Variants in ACTN4 observed in about 807,000 individuals in gnomAD.
ACTN4 encodes the protein alpha-actinin-4.
A neutral mutation model predicts 114.2 loss-of-function variants in ACTN4; 18 were observed. The ratio of observed to expected loss-of-function variants is 0.16; its 90% CI spans 0.11 to 0.23. ACTN4 has a LOEUF of 0.23. ACTN4 is among the 10% of genes least tolerant of loss of function. ACTN4 has a pLI of 1.00. For synonymous variants in ACTN4, 515 were observed against 506.3 expected, an observed-to-expected ratio of 1.02 and a Z score of -0.23; for missense variants, 722 against 1,262.9, an observed-to-expected ratio of 0.57 and a Z score of 6.49.
At position 38,729,800 on chromosome 19, in the gene ACTN4, G is replaced by A. The variant is rs1217037275; in HGVS notation, c.*368G>A. ...TCCTTTGCTCTGAGGTCCCTTCAAG[G>A]CCTCCCCAATCCAGGCCAAAGCCCC... On this transcript the variant is annotated 3_prime_UTR_variant, in exon 21 of 21. Coordinates refer to ENST00000252699, the MANE Select transcript of ACTN4 (RefSeq NM_004924.6). The A allele has an allele frequency of 2.2e-6, 1 of 444,874 alleles. No individual in the cohort carries two copies. Among genetic ancestry groups the A allele is most frequent in the African/African-American group, 2.0e-5 (1 of 50,032 alleles). The allele number at this position is 444,874 out of a possible 1,614,324, so 27.6% of individuals were successfully genotyped here. A position where few individuals can be genotyped will look rare whatever the true frequency, so the allele number is the denominator to read the frequency against.
intron 19 of ACTN4, 148 bp downstream of exon 19, chr19:38,728,174 C>A (rs1419617169): frequency 1.5e-6 from 2 of 1,296,482 alleles, no homozygotes; most frequent in Non-Finnish European, 2.2e-6. Flanking sequence ...CTCCCTGGAC[C>A]CCTTCCCTTT....
rs181829114 is a variant in ACTN4 at position 38,666,988 on chromosome 19, A to G, written c.162+19081A>G. On this transcript the variant is annotated intron_variant, in intron 1 of 20. Transcript: ENST00000252699. ...GTCTAGGGATGTGCCAGGTCTTTCA[A>G]ATTGCTAATTATCAGCGAGCATGAG... 3.8e-3 allele frequency among the ~76,000 whole-genome samples: 577 copies of G among 152,294 alleles called. 1 individual carries two copies. The highest frequency in any genetic ancestry group is 0.014 in the South Asian group (70 of 4,828).
In ACTN4 at chr19:38,727,268, G is replaced by T. The variant is rs982386344; in HGVS notation, c.2337+165G>T. Among the ~76,000 whole-genome samples, 1 of 152,116 alleles carries T rather than the reference G, an allele frequency of 6.6e-6. No individual in the cohort carries two copies. The highest frequency in any genetic ancestry group is 1.5e-5 in the Non-Finnish European group (1 of 67,988). On this transcript the variant is annotated intron_variant, in intron 18 of 20. Coordinates refer to ENST00000252699, the MANE Select transcript of ACTN4 (RefSeq NM_004924.6). The surrounding 1 kb of genome is among the most constrained non-coding windows in gnomAD (Gnocchi z 5.4). ...GCCACTGTCAGGGTGTAGGTGTGCG[G>T]CACCAAGACCCCAGCCTGGGCCACT...
At chr19:38,652,087 C>T (rs534443161) in intron 1 of ACTN4, among the ~76,000 whole-genome samples, 1 of 152,038 alleles carries the variant, frequency 6.6e-6, no homozygotes, top group African/African-American at 2.4e-5. Flanking sequence ...TAATGGAGGC[C>T]CCAAAGTAGC....
Position 38,656,902 on chromosome 19 carries a change from C to G in ACTN4, c.162+8995C>G, listed in dbSNP as rs571542943. Among the ~76,000 whole-genome samples, 201 of 152,228 alleles carry G rather than the reference C, an allele frequency of 1.3e-3. 2 individuals are homozygous for G. Among genetic ancestry groups the G allele is most frequent in the African/African-American group, 4.7e-3 (194 of 41,532 alleles). ...GGTGGAAGCCACAGTCTAGGTGGAT[C>G]AGAGGAAGCACAGAAGGCAGGCAGT... On this transcript the variant is annotated intron_variant, in intron 1 of 20. Coordinates refer to ENST00000252699, the MANE Select transcript of ACTN4 (RefSeq NM_004924.6).
intron 4 of ACTN4, among the ~76,000 whole-genome samples, chr19:38,705,669 C>T (rs763595449): frequency 1.3e-5 from 2 of 152,212 alleles, no homozygotes; most frequent in Non-Finnish European, 2.9e-5. Context: ...CAAAAGAGGC[C>T]AAGGCCGGTA....
rs1304487238 is a variant in ACTN4, at chr19:38,729,439, A to G, written c.*7A>G. 6.2e-7 allele frequency: 1 copy of G among 1,612,362 alleles called. No individual in the cohort carries two copies. The highest frequency in any genetic ancestry group is 8.5e-7 in the Non-Finnish European group (1 of 1,179,810). On this transcript the variant is annotated 3_prime_UTR_variant, in exon 21 of 21. Transcript: ENST00000252699. ...TGGCGAGAGCGACCTGTGAGGCCCC[A>G]GAGACCTGACCCAACACCCCCGACG...
intron 1 of ACTN4, among the ~76,000 whole-genome samples, chr19:38,690,439 G>A (rs886798147): frequency 6.6e-5 from 10 of 152,248 alleles, no homozygotes; most frequent in Non-Finnish European, 1.2e-4. Context: ...TCCTAATCGA[G>A]CTAAACACTA....
At chr19:38,701,906 G>T (rs1312004685) in intron 3 of ACTN4, among the ~76,000 whole-genome samples, 2 of 152,256 alleles carry the variant, frequency 1.3e-5, no homozygotes, top group Non-Finnish European at 2.9e-5. Flanking sequence ...TAATGACAGG[G>T]CTCTGAGAGT....
chr19:38,650,461 G>A (rs940604069), intron 1 of ACTN4, among the ~76,000 whole-genome samples: 1 of 152,172 alleles, frequency 6.6e-6, no homozygotes, highest in African/African-American at 2.4e-5. Flanking sequence ...GCAGGTTTGA[G>A]GGAAAAGGGT....
In ACTN4 at chr19:38,724,891, G is replaced by A. The variant is rs955795459; in HGVS notation, c.2010+326G>A. The stretch of plus-strand genomic sequence containing the variant: ...TGATGGTGCGCAGCCCAAGGAGGTC[G>A]AGGCTGCCGTGAGCTACGATCATGC... On this transcript the variant is annotated intron_variant, in intron 16 of 20. Coordinates refer to ENST00000252699, the MANE Select transcript of ACTN4 (RefSeq NM_004924.6). This position sits in a 1 kb window ranked among gnomAD's most constrained non-coding sequence, Gnocchi z 7.0. 1.3e-5 allele frequency among the ~76,000 whole-genome samples: 2 copies of A among 152,164 alleles called. No individual in the cohort carries two copies. The highest frequency in any genetic ancestry group is 6.5e-5 in the Admixed American group (1 of 15,278).
chr19:38,704,380 T>C (rs571778537), intron 3 of ACTN4, among the ~76,000 whole-genome samples: 5 of 152,228 alleles, frequency 3.3e-5, no homozygotes, highest in Non-Finnish European at 7.3e-5. Flanking sequence ...GCAGCCGCAT[T>C]GAGCTCTGGA....
chr19:38,657,194 G>A (rs924091747), intron 1 of ACTN4, among the ~76,000 whole-genome samples: 1 of 151,754 alleles, frequency 6.6e-6, no homozygotes, highest in African/African-American at 2.4e-5. Flanking sequence ...CCAGGCTGGA[G>A]TGCAGTAGCA....
At chr19:38,666,441 C>T (rs1001712123) in intron 1 of ACTN4, among the ~76,000 whole-genome samples, 13 of 152,140 alleles carry the variant, frequency 8.5e-5, no homozygotes, top group African/African-American at 1.7e-4. Context: ...GAAGGCCACC[C>T]GGTTTGCGCT....
At chr19:38,725,625 C>G in intron 16 of ACTN4, 99 bp from the exon 17 acceptor site, 3 of 1,430,580 alleles carry the variant, frequency 2.1e-6, no homozygotes, top group Non-Finnish European at 2.9e-6. Flanking sequence ...AAAGGGGCCC[C>G]GGGGAAGATG....
chr19:38,689,558 C>T (rs188412333), intron 1 of ACTN4, among the ~76,000 whole-genome samples: 25 of 152,268 alleles, frequency 1.6e-4, no homozygotes, highest in South Asian at 4.1e-4. Flanking sequence ...AGTGCAGTGG[C>T]GCTGTCATAG....
intron 1 of ACTN4, among the ~76,000 whole-genome samples, chr19:38,652,684 TG>T (rs1366343966): frequency 1.3e-5 from 2 of 151,934 alleles, no homozygotes; most frequent in South Asian, 2.1e-4. Flanking sequence ...GGCTGCCTTG[TG>T]GGGGGGAAAG....
Position 38,729,893 on chromosome 19 carries a change from G to A in ACTN4, c.*461G>A, listed in dbSNP as rs1278958667. The A allele has an allele frequency of 5.1e-5, 18 of 355,958 alleles. No homozygotes were observed. The East Asian group carries it at 5.2e-4, about 10-fold the overall frequency. The allele number at this position is 355,958 out of a possible 1,614,324, so 22.0% of individuals were successfully genotyped here. A position where few individuals can be genotyped will look rare whatever the true frequency, so the allele number is the denominator to read the frequency against. Reference sequence around the variant, plus strand: ...GCAGAGGGCGCCACCACCACCTGACGGCTGGGGACCCACCCAGCCCCTCTC... The same window carrying A: ...GCAGAGGGCGCCACCACCACCTGACAGCTGGGGACCCACCCAGCCCCTCTC... On this transcript the variant is annotated 3_prime_UTR_variant, in exon 21 of 21. Coordinates refer to ENST00000252699, the MANE Select transcript of ACTN4 (RefSeq NM_004924.6).
chr19:38,699,754 CAAA>C (rs528707102), intron 1 of ACTN4, among the ~76,000 whole-genome samples: 2 of 122,774 alleles, frequency 1.6e-5, no homozygotes. Flanking sequence ...GACTCCTTCT[CAAA>C]AAAAAAAAAA....
Sources: gnomAD v4.1 joint callset for allele counts (sites outside exome capture counted in the v4.1 genomes callset) on GRCh38, gnomAD v4.1.1 for gene constraint, Gnocchi (gnomAD v3.1) non-coding constraint, MANE v1.5 for transcripts, NCBI Gene and HGNC (gene_info 2026-07-23, HGNC 2026-07-21) for gene names.